The following ZNF532 variants were observed in gnomAD, a reference collection of about 807,000 sequenced individuals.
The protein encoded by ZNF532 is zinc finger protein 532.
In ZNF532, 22 loss-of-function variants were observed where a neutral mutation model predicts 89.3. The observed-to-expected ratio is 0.25, with a 90% CI of 0.18 to 0.35. The LOEUF (loss-of-function observed/expected upper bound fraction) is 0.35. ZNF532 is among the 10% of genes least tolerant of loss of function. The probability of loss-of-function intolerance (pLI) is 1.00; values close to 1 mark genes in which losing one functional copy is unlikely to be tolerated. For synonymous variants in ZNF532, 606 were observed against 649.6 expected, an observed-to-expected ratio of 0.93 and a Z score of 1.02; for missense variants, 1,132 against 1,643.4, an observed-to-expected ratio of 0.69 and a Z score of 5.38.
chr18:58,868,516 A>G (rs1002407968), intron 2 of ZNF532, among the ~76,000 whole-genome samples: 5 of 152,140 alleles, frequency 3.3e-5, no homozygotes. Flanking sequence ...CTGTCTCACT[A>G]TAGGGACATG....
At chr18:58,928,635 G>T (rs896318321) in intron 3 of ZNF532, among the ~76,000 whole-genome samples, 1 of 152,210 alleles carries the variant, frequency 6.6e-6, no homozygotes, top group Non-Finnish European at 1.5e-5. Flanking sequence ...GAGGGAGAGA[G>T]CCTAGAGGAC....
intron 2 of ZNF532, among the ~76,000 whole-genome samples, chr18:58,914,448 G>A (rs987720891): frequency 1.3e-5 from 2 of 152,212 alleles, no homozygotes; most frequent in Admixed American, 6.5e-5. Flanking sequence ...CTGGGAGGCC[G>A]CGGCGGGCGG....
At chr18:58,979,981 T>G (rs935924663) in intron 8 of ZNF532, 2 of 152,230 alleles carry the variant, frequency 1.3e-5, no homozygotes, top group Non-Finnish European at 2.9e-5. Context: ...AGTGAAAGGC[T>G]GTCACTCAGC....
intron 3 of ZNF532, among the ~76,000 whole-genome samples, chr18:58,925,085 A>G (rs1428976753): frequency 1.3e-5 from 2 of 152,176 alleles, no homozygotes; most frequent in African/African-American, 4.8e-5. Flanking sequence ...AACATTGTGT[A>G]TAGGTTTTTT....
In ZNF532 at chr18:58,984,002, C is replaced by G. The variant is rs373348484; in HGVS notation, c.3442C>G (p.Pro1148Ala). The change falls in exon 10 of 10, where the codon CCA (proline) becomes GCA (alanine). Residue 1148 changes from proline to alanine, a missense_variant. Pro to Ala is a conservative substitution (Grantham distance 27). This residue lies in a region of ZNF532 where 415 missense variants were observed against 604.8 expected (regional missense o/e 0.69). Coordinates refer to ENST00000591808, the MANE Select transcript of ZNF532 (RefSeq NM_001375912.1). ...VPSPKRKLEE[P>A]VLEFRPPRGA... ...CAGTCCCAAGCGGAAGTTGGAAGAACCAGTTCTGGAGTTCAGGCCTCCCCG... is the reference window on the plus strand; with the variant it reads ...CAGTCCCAAGCGGAAGTTGGAAGAAGCAGTTCTGGAGTTCAGGCCTCCCCG... 3.7e-6 allele frequency: 6 copies of G among 1,610,640 alleles called. No homozygotes were observed. In the African/African-American group the frequency reaches 8.0e-5, roughly 22 times the overall value.
intron 2 of ZNF532, among the ~76,000 whole-genome samples, chr18:58,872,698 C>CTTT (rs146289274): frequency 0.077 from 10,589 of 138,212 alleles, 459 homozygotes; most frequent in Middle Eastern, 0.13. Flanking sequence ...CAACATTTAT[C>CTTT]TTTTTTTTTT....
Position 58,979,177 on chromosome 18 carries a change from G to T in ZNF532, c.3263+10G>T. On this transcript the variant is annotated intron_variant, in intron 8 of 9. Transcript: ENST00000591808. ...AAGTGTACGCCTGCTCGTAAGTCCT[G>T]GTTTCTAACGGAACGCAGTGAGAGG... 1 of 1,603,648 alleles carries T rather than the reference G, an allele frequency of 6.2e-7. No individual in the cohort carries two copies. The highest frequency in any genetic ancestry group is 1.1e-5 in the South Asian group (1 of 90,460).
In ZNF532 at chr18:58,919,549, G is replaced by A. The variant is rs746440439; in HGVS notation, c.1262G>A (p.Arg421Lys). 3 of 1,614,148 alleles carry A rather than the reference G, an allele frequency of 1.9e-6. No homozygotes were observed. The Admixed American group carries it at 5.0e-5, about 27-fold the overall frequency. Residue 421 changes from arginine to lysine, a missense_variant, in exon 3 of 10, where the codon AGG becomes AAG. Around this residue, in one of 9 missense-constraint regions of ZNF532, gnomAD observed 124 missense variants for 191.6 expected, o/e 0.65. Coordinates refer to ENST00000591808, the MANE Select transcript of ZNF532 (RefSeq NM_001375912.1). The surrounding 1 kb of genome is among the most constrained non-coding windows in gnomAD (Gnocchi z 6.1). The part of the protein sequence containing the change: ...ASAAVLSSPP[R>K]APLQSAVVTN... ...GCCGCCGTCCTTTCCTCTCCCCCCA[G>A]GGCGCCTCTCCAGTCTGCGGTCGTG...
chr18:58,963,603 A>ATGTGTGTGTGTGTGTGTGTGTGTG (rs60644289), intron 7 of ZNF532, among the ~76,000 whole-genome samples: 4 of 143,776 alleles, frequency 2.8e-5, no homozygotes, highest in African/African-American at 7.9e-5. Context: ...AAAGAAAAAA[A>ATGTGTGTGTGTGTGTGTGTGTGTG]TGTGTGTGTG....
chr18:58,878,276 G>GA (rs11421061), intron 2 of ZNF532, among the ~76,000 whole-genome samples: 65,879 of 151,146 alleles, frequency 0.44, 14,989 homozygotes, highest in East Asian at 0.61. Context: ...AAAACAAAAC[G>GA]AAAAAAAACC....
At chr18:58,882,490 G>A (rs895413729) in intron 2 of ZNF532, among the ~76,000 whole-genome samples, 1 of 152,192 alleles carries the variant, frequency 6.6e-6, no homozygotes, top group Non-Finnish European at 1.5e-5. Context: ...TGCCTAGGCT[G>A]GAGTGCAGTG....
chr18:58,891,465 G>C (rs1418100353), intron 2 of ZNF532, among the ~76,000 whole-genome samples: 1 of 152,228 alleles, frequency 6.6e-6, no homozygotes, highest in African/African-American at 2.4e-5. Flanking sequence ...AGGAGGCAGA[G>C]GTTGCAGTGA....
At position 58,986,388 on chromosome 18, in the gene ZNF532, T is replaced by C. The variant is rs2068388140; in HGVS notation, c.*1922T>C. On this transcript the variant is annotated 3_prime_UTR_variant, in exon 10 of 10. Transcript: ENST00000591808. ...TTTGCATATTAGAACCCAAATATTT[T>C]GCTCTCTAAATCTAATGCTCGCTCT... 1 of 152,674 alleles carries C rather than the reference T, an allele frequency of 6.5e-6. No individual in the cohort carries two copies. Among genetic ancestry groups the C allele is most frequent in the Admixed American group, 6.5e-5 (1 of 15,282 alleles). 9.5% of individuals were successfully genotyped at this position (152,674 alleles called of 1,614,324 possible).
Position 58,920,437 on chromosome 18 carries a change from C to T in ZNF532, c.2150C>T (p.Thr717Ile), listed in dbSNP as rs1176263569. Residue 717 changes from threonine to isoleucine, a missense_variant, in exon 3 of 10, where the codon ACA (threonine) becomes ATA (isoleucine). Around this residue, in one of 9 missense-constraint regions of ZNF532, gnomAD observed 100 missense variants for 122.0 expected, o/e 0.82. Coordinates refer to ENST00000591808, the MANE Select transcript of ZNF532 (RefSeq NM_001375912.1). ...GTGGGAGCTGGCACACACACTGTCA[C>T]AAAAATTCAGTCTGGCATAACTGGG... ...SPVGAGTHTV[T>I]KIQSGITGTV... The T allele has an allele frequency of 6.2e-7, 1 of 1,613,934 alleles. No homozygotes were observed. The highest frequency in any genetic ancestry group is 1.3e-5 in the African/African-American group (1 of 75,030).
At chr18:58,897,354 GA>G (rs2059318573) in intron 2 of ZNF532, among the ~76,000 whole-genome samples, 1 of 151,868 alleles carries the variant, frequency 6.6e-6, no homozygotes, top group Admixed American at 6.6e-5. Context: ...AGGTTGGGGG[GA>G]AAAAGACCTA....
At chr18:58,957,373 T>C (rs984195828) in intron 7 of ZNF532, among the ~76,000 whole-genome samples, 1 of 137,190 alleles carries the variant, frequency 7.3e-6, no homozygotes, top group Non-Finnish European at 1.6e-5. Context: ...CTTTGTATAC[T>C]TGATTTTAGT....
chr18:58,888,729 T>TATATATATTTATTTTATATATATATAAA (rs2058517600), intron 2 of ZNF532, among the ~76,000 whole-genome samples: 1 of 4,462 alleles, frequency 2.2e-4, no homozygotes. Flanking sequence ...ATATATAAAT[T>TATATATATTTATTTTATATATATATAAA]ATATATATAT....
At position 58,984,649 on chromosome 18, in the gene ZNF532, G is replaced by A. The variant is rs900789182; in HGVS notation, c.*183G>A. The A allele has an allele frequency of 8.1e-6, 5 of 619,518 alleles. No homozygotes were observed. Among genetic ancestry groups the A allele is most frequent in the African/African-American group, 7.3e-5 (4 of 54,452 alleles). 38.4% of individuals were successfully genotyped at this position (619,518 alleles called of 1,614,324 possible). A position where few individuals can be genotyped will look rare whatever the true frequency, so the allele number is the denominator to read the frequency against. ...CGATAAGTATTAAAACAGTATTTGA[G>A]TTTAAAAGAGTTTGTATATATTTAA... On this transcript the variant is annotated 3_prime_UTR_variant, in exon 10 of 10. Coordinates refer to ENST00000591808, the MANE Select transcript of ZNF532 (RefSeq NM_001375912.1).
chr18:58,868,079 A>C (rs1320054880), intron 2 of ZNF532, among the ~76,000 whole-genome samples: 1 of 152,194 alleles, frequency 6.6e-6, no homozygotes, highest in African/African-American at 2.4e-5. Context: ...CGTGCAATAC[A>C]GTCGCTCTCC....
Sources: gnomAD v4.1 joint callset for allele counts (sites outside exome capture counted in the v4.1 genomes callset) on GRCh38, gnomAD v4.1.1 for gene constraint, gnomAD v4.1.1 regional missense constraint, Gnocchi (gnomAD v3.1) non-coding constraint, MANE v1.5 for transcripts, NCBI Gene and HGNC (gene_info 2026-07-23, HGNC 2026-07-21) for gene names.